The following FHIT variants were observed in gnomAD, a reference collection of about 807,000 sequenced individuals.
The protein encoded by FHIT is fragile histidine triad diadenosine triphosphatase, also known as bis(5'-adenosyl)-triphosphatase.
Under a neutral mutation model 17.9 loss-of-function variants are expected in FHIT, and 19 were observed. That is an observed-to-expected ratio of 1.06 (90% CI 0.74 to 1.56). The LOEUF is 1.56. Among genes scored for constraint, FHIT ranks in the 40% most tolerant of loss-of-function variants. The pLI is 0.00. For synonymous variants in FHIT, 81 were observed against 69.7 expected (o/e 1.16, Z -0.81); for missense variants, 248 against 189.2 (o/e 1.31, Z -1.82).
chr3:60,066,913 G>C (rs1381365269), intron 5 of FHIT, among the ~76,000 whole-genome samples: 1 of 151,882 alleles, frequency 6.6e-6, no homozygotes, highest in Non-Finnish European at 1.5e-5. Context: ...CAAAGTGCTG[G>C]GATTACAGGC....
At chr3:60,988,056 G>C (rs573342040) in intron 3 of FHIT, among the ~76,000 whole-genome samples, 1 of 152,170 alleles carries the variant, frequency 6.6e-6, no homozygotes, top group Non-Finnish European at 1.5e-5. Context: ...CTTAGAGAGA[G>C]AGGGAATGTC....
rs1236439381 is a variant in FHIT at position 60,714,592 on chromosome 3, G to T, written c.-18+107327C>A. 9.4e-3 allele frequency among the ~76,000 whole-genome samples: 1,425 copies of T among 152,198 alleles called. 31 individuals are homozygous for T. The highest frequency in any genetic ancestry group is 0.032 in the African/African-American group (1,345 of 41,518). On this transcript the variant is annotated intron_variant, in intron 4 of 9. Coordinates refer to ENST00000492590, the MANE Select transcript of FHIT (RefSeq NM_002012.4). The stretch of plus-strand genomic sequence containing the variant: ...ATAAGCAACTTCAGCAAAGTCTCAG[G>T]ATACAAAATCAATGTACAAAAATCA...
chr3:60,985,572 C>T lies in FHIT; in HGVS notation c.-111+56475G>A, dbSNP rs139757324. Among the ~76,000 whole-genome samples the T allele has an allele frequency of 1.6e-4, 25 of 152,258 alleles. No homozygotes were observed. The East Asian group carries it at 3.1e-3, about 19-fold the overall frequency. On this transcript the variant is annotated intron_variant, in intron 3 of 9. Transcript: ENST00000492590. ...CATTATACTCTATCTCATGTACAGA[C>T]GGGTACAATTCCTTCTCTGAATTCT...
intron 3 of FHIT, among the ~76,000 whole-genome samples, chr3:60,976,897 T>C (rs1710280008): frequency 6.6e-6 from 1 of 152,234 alleles, no homozygotes; most frequent in Non-Finnish European, 1.5e-5. Context: ...TTTTTTTTAT[T>C]TTTAAAAAGG....
intron 8 of FHIT, among the ~76,000 whole-genome samples, chr3:59,832,900 T>G (rs1701214119): frequency 6.6e-6 from 1 of 152,100 alleles, no homozygotes; most frequent in Non-Finnish European, 1.5e-5. Flanking sequence ...GAGCTCCGAG[T>G]CCTTTGAGCC....
chr3:59,976,606 C>T (rs1021735043), intron 7 of FHIT, among the ~76,000 whole-genome samples: 52 of 151,974 alleles, frequency 3.4e-4, no homozygotes, highest in African/African-American at 1.2e-3. Flanking sequence ...CAGGCACACG[C>T]CCCAGCCTCT....
intron 8 of FHIT, among the ~76,000 whole-genome samples, chr3:59,887,927 G>A (rs1703694949): frequency 6.6e-6 from 1 of 152,208 alleles, no homozygotes; most frequent in Non-Finnish European, 1.5e-5. Context: ...TGAGAAATGA[G>A]AGGGTTTTAT....
intron 8 of FHIT, among the ~76,000 whole-genome samples, chr3:59,765,186 C>T (rs1178171405): frequency 1.3e-5 from 2 of 152,330 alleles, no homozygotes; most frequent in African/African-American, 2.4e-5. Context: ...CAGTTAATCT[C>T]ACCTCAGTGC....
chr3:60,527,301 T>C (rs928663603), intron 5 of FHIT, among the ~76,000 whole-genome samples: 3 of 152,220 alleles, frequency 2.0e-5, no homozygotes, highest in Non-Finnish European at 4.4e-5. Context: ...GATTTATTTT[T>C]ATCTTGACAC....
intron 7 of FHIT, among the ~76,000 whole-genome samples, chr3:59,983,541 C>T (rs1030026572): frequency 6.6e-6 from 1 of 152,074 alleles, no homozygotes; most frequent in African/African-American, 2.4e-5. Context: ...TAAACTTCAT[C>T]GTAACTATGT....
chr3:60,718,212 T>A (rs58195903), intron 4 of FHIT, among the ~76,000 whole-genome samples: 11,595 of 152,298 alleles, frequency 0.076, 784 homozygotes, highest in African/African-American at 0.18. Context: ...CTTAGTTTAC[T>A]GTCAAATTAC....
At chr3:60,511,880 G>C (rs977079660) in intron 5 of FHIT, among the ~76,000 whole-genome samples, 9 of 151,968 alleles carry the variant, frequency 5.9e-5, no homozygotes, top group African/African-American at 2.2e-4. Flanking sequence ...GTCAAATTGG[G>C]CAAATTTAAT....
chr3:61,245,028 A>G (rs2040457268), intron 1 of FHIT, among the ~76,000 whole-genome samples: 1 of 152,204 alleles, frequency 6.6e-6, no homozygotes, highest in African/African-American at 2.4e-5. Flanking sequence ...CAACTTTTAC[A>G]GAGGATTGAA....
At chr3:60,077,729 C>CACACACACACATATAT (rs1559611496) in intron 5 of FHIT, among the ~76,000 whole-genome samples, 4 of 67,188 alleles carry the variant, frequency 6.0e-5, no homozygotes, top group African/African-American at 2.0e-4. Flanking sequence ...CACACACACA[C>CACACACACACATATAT]ATATATAGAG....
At chr3:61,069,548 C>G (rs1467935951) in intron 2 of FHIT, among the ~76,000 whole-genome samples, 2 of 152,110 alleles carry the variant, frequency 1.3e-5, no homozygotes, top group African/African-American at 4.8e-5. Context: ...AGTCAGTAAA[C>G]TAGGTATTGT....
At chr3:60,112,991 T>C (rs919343360) in intron 5 of FHIT, among the ~76,000 whole-genome samples, 1 of 152,194 alleles carries the variant, frequency 6.6e-6, no homozygotes, top group African/African-American at 2.4e-5. Context: ...CTGTTGAGTG[T>C]CAACCACAGT....
At chr3:60,334,878 T>C (rs2106870715) in intron 5 of FHIT, among the ~76,000 whole-genome samples, 1 of 152,326 alleles carries the variant, frequency 6.6e-6, no homozygotes. Flanking sequence ...GTGTGTATTT[T>C]TTTTCTACCT....
intron 5 of FHIT, among the ~76,000 whole-genome samples, chr3:60,372,123 G>A (rs1293564523): frequency 1.3e-5 from 2 of 152,254 alleles, no homozygotes; most frequent in African/African-American, 4.8e-5. Flanking sequence ...TACCCAAATG[G>A]TCTCTGAACA....
At chr3:61,203,976 C>CT (rs1389776952) in intron 1 of FHIT, among the ~76,000 whole-genome samples, 4 of 152,270 alleles carry the variant, frequency 2.6e-5, no homozygotes, top group East Asian at 3.9e-4. Context: ...ACGATAAACA[C>CT]TTTTTTTACA....
Sources: gnomAD v4.1 joint callset for allele counts (sites outside exome capture counted in the v4.1 genomes callset) on GRCh38, gnomAD v4.1.1 for gene constraint, MANE v1.5 for transcripts, NCBI Gene and HGNC (gene_info 2026-07-23, HGNC 2026-07-21) for gene names.